PAPPA: variants seen among roughly 807,000 people sequenced by gnomAD.
The protein encoded by PAPPA is pappalysin-1.
PAPPA carries 60 observed loss-of-function variants against 164.0 expected under a neutral mutation model. That is an observed-to-expected ratio of 0.37 (90% CI 0.30 to 0.45). The LOEUF (loss-of-function observed/expected upper bound fraction) is 0.45, where lower values mean the gene tolerates loss of function less well. Among genes scored for constraint, PAPPA ranks in the 20% least tolerant of loss-of-function variants. The probability of loss-of-function intolerance (pLI) is 1.00; values close to 1 mark genes in which losing one functional copy is unlikely to be tolerated. For synonymous variants in PAPPA, 875 were observed against 814.1 expected (o/e 1.07, Z -1.27); for missense variants, 1,782 against 2,087.3 (o/e 0.85, Z 2.85).
chr9:116,390,964 A>G (rs531689225), intron 21 of PAPPA, among the ~76,000 whole-genome samples: 3 of 152,274 alleles, frequency 2.0e-5, no homozygotes, highest in African/African-American at 7.2e-5. Context: ...TTTACCCAAC[A>G]TACTTCTGTG....
intron 9 of PAPPA, among the ~76,000 whole-genome samples, chr9:116,274,202 G>A (rs1354640937): frequency 6.6e-6 from 1 of 152,110 alleles, no homozygotes; most frequent in East Asian, 1.9e-4. Context: ...TCAGTGTTGT[G>A]GACAGTGTCT....
chr9:116,285,674 C>T (rs780988249), intron 9 of PAPPA, among the ~76,000 whole-genome samples: 4 of 152,246 alleles, frequency 2.6e-5, no homozygotes, highest in South Asian at 4.2e-4. Context: ...AATCCTGTGC[C>T]GTCATCATTT....
At chr9:116,174,156 C>T (rs972224992) in intron 1 of PAPPA, among the ~76,000 whole-genome samples, 7 of 152,172 alleles carry the variant, frequency 4.6e-5, no homozygotes, top group African/African-American at 9.6e-5. Context: ...CAAAGAGTTT[C>T]GCACAATACC....
intron 10 of PAPPA, among the ~76,000 whole-genome samples, chr9:116,304,310 A>G (rs184713866): frequency 6.9e-4 from 105 of 152,364 alleles, no homozygotes; most frequent in African/African-American, 2.5e-3. Flanking sequence ...GACTGTAGAT[A>G]CACACACATA....
At chr9:116,354,368 A>G (rs976031853) in intron 17 of PAPPA, among the ~76,000 whole-genome samples, 2 of 152,178 alleles carry the variant, frequency 1.3e-5, no homozygotes, top group Non-Finnish European at 2.9e-5. Context: ...GGGAATCAAG[A>G]ATAGGAAAAA....
chr9:116,382,130 A>T (rs1415421309), intron 20 of PAPPA, among the ~76,000 whole-genome samples: 1 of 152,130 alleles, frequency 6.6e-6, no homozygotes, highest in Non-Finnish European at 1.5e-5. Context: ...CCAAGCACAC[A>T]AGAGTATGTC....
intron 9 of PAPPA, among the ~76,000 whole-genome samples, chr9:116,295,007 CTT>C (rs1187724532): frequency 1.3e-5 from 2 of 152,160 alleles, no homozygotes; most frequent in African/African-American, 4.8e-5. Context: ...CATTCAAAAT[CTT>C]TGCTTTCTCC....
chr9:116,343,012 C>T (rs1304708207), intron 13 of PAPPA, among the ~76,000 whole-genome samples: 1 of 152,186 alleles, frequency 6.6e-6, no homozygotes, highest in Admixed American at 6.5e-5. Flanking sequence ...ATTTTCTCTG[C>T]CCTCAAGGAC....
chr9:116,290,536 A>G (rs1845423115), intron 9 of PAPPA, among the ~76,000 whole-genome samples: 1 of 152,180 alleles, frequency 6.6e-6, no homozygotes, highest in African/African-American at 2.4e-5. Context: ...AGAGAGGGAA[A>G]GTGACTTGTC....
At chr9:116,248,776 C>T (rs1587971006) in intron 7 of PAPPA, among the ~76,000 whole-genome samples, 1 of 152,134 alleles carries the variant, frequency 6.6e-6, no homozygotes, top group Non-Finnish European at 1.5e-5. Context: ...TCAATAAATA[C>T]AGATAAATAA....
At chr9:116,378,816 C>T (rs1352818481) in intron 20 of PAPPA, among the ~76,000 whole-genome samples, 1 of 152,164 alleles carries the variant, frequency 6.6e-6, no homozygotes, top group Non-Finnish European at 1.5e-5. Flanking sequence ...TTTTCTCCTG[C>T]TGCCTGCCTA....
chr9:116,289,181 TGTAGC>T (rs1845389998), intron 9 of PAPPA, among the ~76,000 whole-genome samples: 1 of 30,674 alleles, frequency 3.3e-5, no homozygotes, highest in East Asian at 1.1e-3. Flanking sequence ...ATAGCATATA[TGTAGC>T]ATATATATAG....
rs1564212425 is a variant in PAPPA, at chr9:116,289,356, TGGC to T, written c.2954-13400_2954-13398del. 2.0e-4 allele frequency among the ~76,000 whole-genome samples: 27 copies of T among 131,936 alleles called. 3 individuals are homozygous for T. The East Asian group carries it at 2.4e-3, about 12-fold the overall frequency. The allele number at this position is 131,936 out of a possible 152,430, so 86.6% of individuals were successfully genotyped here. A position where few individuals can be genotyped will look rare whatever the true frequency, so the allele number is the denominator to read the frequency against. On this transcript the variant is annotated intron_variant, in intron 9 of 21. Transcript: ENST00000328252. ...ATATAGCATATATATGGCATATATA[TGGC>T]ATATATATGGCATATATATAGCATA...
chr9:116,320,442 T>C (rs991279364), intron 10 of PAPPA, among the ~76,000 whole-genome samples: 37 of 152,204 alleles, frequency 2.4e-4, no homozygotes, highest in Non-Finnish European at 4.4e-4. Context: ...TGCTGCTATT[T>C]CTAGAACTCT....
rs190592213 is a variant in PAPPA, at chr9:116,271,791, G to A, written c.2953+375G>A. On this transcript the variant is annotated intron_variant, in intron 9 of 21. Coordinates refer to ENST00000328252, the MANE Select transcript of PAPPA (RefSeq NM_002581.5). This position sits in a 1 kb window ranked among gnomAD's most constrained non-coding sequence, Gnocchi z 4.2. Reference sequence around the variant, plus strand: ...CTTCAGAGATAAGAAAAAATCAAACGCCAGAAAAATTTCAAAAGTTGTCCA... The same window carrying A: ...CTTCAGAGATAAGAAAAAATCAAACACCAGAAAAATTTCAAAAGTTGTCCA... Among the ~76,000 whole-genome samples, 13 of 152,202 alleles carry A rather than the reference G, an allele frequency of 8.5e-5. No individual in the cohort carries two copies. In the East Asian group the frequency reaches 2.1e-3, roughly 25 times the overall value.
In PAPPA at chr9:116,224,098, G is replaced by A. The variant is rs190418158; in HGVS notation, c.2112-3333G>A. On this transcript the variant is annotated intron_variant, in intron 5 of 21. Transcript: ENST00000328252. The stretch of plus-strand genomic sequence containing the variant: ...CATCAATGCCAACCTCTCGCCCCTG[G>A]CCATCCTCATGTCCTCCTGCTGTTC... 7.9e-5 allele frequency among the ~76,000 whole-genome samples: 12 copies of A among 152,118 alleles called. No homozygotes were observed. The East Asian group carries it at 2.3e-3, about 29-fold the overall frequency.
At chr9:116,245,063 A>G (rs1844781041) in intron 7 of PAPPA, among the ~76,000 whole-genome samples, 1 of 152,064 alleles carries the variant, frequency 6.6e-6, no homozygotes, top group Non-Finnish European at 1.5e-5. Flanking sequence ...TCAGACATAG[A>G]CAAATACCTC....
intron 1 of PAPPA, among the ~76,000 whole-genome samples, chr9:116,174,441 G>GCAT (rs1843809087): frequency 6.6e-6 from 1 of 152,136 alleles, no homozygotes; most frequent in South Asian, 2.1e-4. Context: ...CTGTAGGCCT[G>GCAT]CATCAGGTAT....
rs370396088 is a variant in PAPPA, at chr9:116,396,664, C to T, written c.*48C>T. 2.6e-6 allele frequency: 2 copies of T among 771,138 alleles called. No individual in the cohort carries two copies. Among genetic ancestry groups the T allele is most frequent in the African/African-American group, 3.4e-5 (2 of 58,886 alleles). 47.8% of individuals were successfully genotyped at this position (771,138 alleles called of 1,614,324 possible). ...GAATTCCCAACGCCAGGACCCACAT[C>T]CCTTTGGTATTGATTTCACAGTCAG... On this transcript the variant is annotated 3_prime_UTR_variant, in exon 22 of 22. Coordinates refer to ENST00000328252, the MANE Select transcript of PAPPA (RefSeq NM_002581.5).
Sources: allele counts gnomAD v4.1 joint callset (sites outside exome capture counted in the v4.1 genomes callset), GRCh38; gene constraint gnomAD v4.1.1; non-coding constraint Gnocchi (gnomAD v3.1); transcripts MANE v1.5; gene names NCBI Gene and HGNC (gene_info 2026-07-23, HGNC 2026-07-21).